PRKN: variants seen among roughly 807,000 people sequenced by gnomAD.
The protein encoded by PRKN is parkin RBR E3 ubiquitin protein ligase, also known as E3 ubiquitin-protein ligase parkin.
PRKN carries 56 observed loss-of-function variants against 59.5 expected under a neutral mutation model. The ratio of observed to expected loss-of-function variants is 0.94; its 90% CI spans 0.76 to 1.18. PRKN has a LOEUF of 1.18. Among genes scored for constraint, PRKN ranks in the 50% most tolerant of loss-of-function variants. The probability of loss-of-function intolerance (pLI) is 0.00; values close to 1 mark genes in which losing one functional copy is unlikely to be tolerated. For missense variants in PRKN, 657 were observed against 596.4 expected (o/e 1.10, Z -1.06); for synonymous variants, 250 against 222.1 (o/e 1.13, Z -1.12).
rs370020608 is a variant in PRKN, at chr6:161,454,230, G to A, written c.1084-67353C>T. On this transcript the variant is annotated intron_variant, in intron 9 of 11. Coordinates refer to ENST00000366898, the MANE Select transcript of PRKN (RefSeq NM_004562.3). This position sits in a 1 kb window ranked among gnomAD's most constrained non-coding sequence, Gnocchi z 4.6. ...AGCATGGGTTCTATAGGTCGGGGTG[G>A]CATTAGCACTGACGGCACATAGCCT... Among the ~76,000 whole-genome samples the A allele has an allele frequency of 5.3e-4, 80 of 152,282 alleles. No homozygotes were observed. Among genetic ancestry groups the A allele is most frequent in the South Asian group, 1.2e-3 (6 of 4,822 alleles).
At chr6:162,371,070 C>A (rs556832749) in intron 2 of PRKN, among the ~76,000 whole-genome samples, 5 of 152,188 alleles carry the variant, frequency 3.3e-5, no homozygotes, top group Non-Finnish European at 7.3e-5. Context: ...GACAGAAGGC[C>A]ATCGTGGGAA....
chr6:161,425,198 T>C (rs1473714906), intron 9 of PRKN, among the ~76,000 whole-genome samples: 1 of 152,092 alleles, frequency 6.6e-6, no homozygotes, highest in East Asian at 1.9e-4. Context: ...TTGACCCCAC[T>C]AGTCTTGGAA....
intron 2 of PRKN, among the ~76,000 whole-genome samples, chr6:162,308,508 C>A (rs1782335674): frequency 6.6e-6 from 1 of 152,116 alleles, no homozygotes; most frequent in East Asian, 1.9e-4. Context: ...ATGATGAGGT[C>A]ATGAAAGAAG....
intron 4 of PRKN, among the ~76,000 whole-genome samples, chr6:162,142,956 A>G (rs1389973457): frequency 6.6e-6 from 1 of 152,238 alleles, no homozygotes; most frequent in African/African-American, 2.4e-5. Flanking sequence ...TAGCCTTTGG[A>G]CTTTTTCTCA....
At chr6:162,346,898 T>C (rs1784426339) in intron 2 of PRKN, among the ~76,000 whole-genome samples, 1 of 151,976 alleles carries the variant, frequency 6.6e-6, no homozygotes, top group Admixed American at 6.6e-5. Context: ...TCTATATATG[T>C]GTCTATATCT....
intron 2 of PRKN, among the ~76,000 whole-genome samples, chr6:162,431,275 A>C (rs1306439421): frequency 1.3e-5 from 2 of 152,186 alleles, no homozygotes; most frequent in African/African-American, 4.8e-5. Context: ...AATGCGGCAG[A>C]GAGAGATGAC....
chr6:162,283,008 A>G (rs1056269852), intron 2 of PRKN, among the ~76,000 whole-genome samples: 7 of 147,324 alleles, frequency 4.8e-5, no homozygotes, highest in African/African-American at 1.8e-4. Flanking sequence ...TTTTTTTTTG[A>G]CAGAAAAGAT....
At chr6:162,316,227 G>C (rs552496604) in intron 2 of PRKN, among the ~76,000 whole-genome samples, 267 of 150,604 alleles carry the variant, frequency 1.8e-3, no homozygotes, top group African/African-American at 5.7e-3. Flanking sequence ...AACTCCATAA[G>C]AATTTTTGGT....
At chr6:162,529,186 T>G (rs1257958104) in intron 1 of PRKN, among the ~76,000 whole-genome samples, 1 of 152,204 alleles carries the variant, frequency 6.6e-6, no homozygotes, top group Non-Finnish European at 1.5e-5. Flanking sequence ...ACTTAGCTTT[T>G]TTTAGTGATA....
At chr6:162,551,121 T>C (rs546430702) in intron 1 of PRKN, among the ~76,000 whole-genome samples, 2 of 152,274 alleles carry the variant, frequency 1.3e-5, no homozygotes, top group South Asian at 2.1e-4. Flanking sequence ...CACTTCAAAG[T>C]AGTCTGTGAG....
intron 1 of PRKN, among the ~76,000 whole-genome samples, chr6:162,463,144 A>G (rs1355886987): frequency 1.3e-5 from 2 of 152,178 alleles, no homozygotes; most frequent in Non-Finnish European, 2.9e-5. Context: ...GCTTTGATAC[A>G]AAGGGTCTGC....
At chr6:161,994,243 A>AG (rs201690798) in intron 5 of PRKN, among the ~76,000 whole-genome samples, 13 of 81,440 alleles carry the variant, frequency 1.6e-4, no homozygotes, top group Non-Finnish European at 3.8e-4. Context: ...TGGTGTGCAG[A>AG]AAAAAAAAAA....
rs1329604666 is a variant in PRKN at position 161,545,548 on chromosome 6, G to C, written c.1083+3306C>G. The C allele has an allele frequency of 1.2e-6, 1 of 808,590 alleles. No individual in the cohort carries two copies. The highest frequency in any genetic ancestry group is 2.1e-6 in the Non-Finnish European group (1 of 471,196). The allele number at this position is 808,590 out of a possible 1,614,324, so 50.1% of individuals were successfully genotyped here. A position where few individuals can be genotyped will look rare whatever the true frequency, so the allele number is the denominator to read the frequency against. On this transcript the variant is annotated intron_variant, in intron 9 of 11. Transcript: ENST00000366898. The surrounding 1 kb of genome is among the most constrained non-coding windows in gnomAD (Gnocchi z 4.1). ...TAACCACAATTTCTTCCAGACAATGGCTTTCCATTACACTCCTTAAACCCA... is the reference window on the plus strand; with the variant it reads ...TAACCACAATTTCTTCCAGACAATGCCTTTCCATTACACTCCTTAAACCCA...
chr6:161,912,677 A>G (rs965693155), intron 6 of PRKN, among the ~76,000 whole-genome samples: 8 of 152,148 alleles, frequency 5.3e-5, no homozygotes, highest in South Asian at 2.1e-4. Flanking sequence ...AGGCCCCAGG[A>G]CTACAGCCCC....
intron 2 of PRKN, among the ~76,000 whole-genome samples, chr6:162,377,271 G>A (rs927468472): frequency 6.6e-6 from 1 of 152,182 alleles, no homozygotes. Context: ...GAATGTGTAA[G>A]GAACACAGAA....
intron 5 of PRKN, among the ~76,000 whole-genome samples, chr6:161,996,526 AAATT>A (rs1781850577): frequency 6.6e-6 from 1 of 152,174 alleles, no homozygotes; most frequent in Non-Finnish European, 1.5e-5. Flanking sequence ...AAATTTACTG[AAATT>A]AATTTGCGTC....
Position 161,973,307 on chromosome 6 carries a change from G to A in PRKN, c.729C>T (p.Asp243=). The change falls in exon 6 of 12, where the codon GAC becomes GAT. Residue 243 remains aspartate, a synonymous_variant. Transcript: ENST00000366898. ...SRNITCITCT[D]VRSPVLVFQC... ...CACTATTTTTAGATCCTTACCTGAC[G>A]TCTGTGCACGTAATGCAAGTGATGT... The A allele has an allele frequency of 2.5e-6, 4 of 1,603,220 alleles. No homozygotes were observed. Among genetic ancestry groups the A allele is most frequent in the South Asian group, 1.1e-5 (1 of 90,850 alleles).
intron 8 of PRKN, among the ~76,000 whole-genome samples, chr6:161,568,688 G>A (rs926089645): frequency 2.0e-5 from 3 of 152,132 alleles, no homozygotes; most frequent in African/African-American, 7.2e-5. Flanking sequence ...TTGACACCTA[G>A]ATTTAACATA....
intron 1 of PRKN, among the ~76,000 whole-genome samples, chr6:162,569,915 A>G (rs1342354548): frequency 1.3e-5 from 2 of 152,056 alleles, no homozygotes; most frequent in Non-Finnish European, 2.9e-5. Context: ...CTACAAAACA[A>G]CTCAACTGCT....
Sources: gnomAD v4.1 joint callset for allele counts (sites outside exome capture counted in the v4.1 genomes callset) on GRCh38, gnomAD v4.1.1 for gene constraint, Gnocchi (gnomAD v3.1) non-coding constraint, MANE v1.5 for transcripts, NCBI Gene and HGNC (gene_info 2026-07-23, HGNC 2026-07-21) for gene names.